The following GRID1 variants were observed in gnomAD, a reference collection of about 807,000 sequenced individuals.
GRID1 encodes the protein glutamate receptor ionotropic, delta-1.
GRID1 carries 28 observed loss-of-function variants against 98.0 expected under a neutral mutation model. The ratio of observed to expected loss-of-function variants is 0.29; its 90% CI spans 0.21 to 0.39. The LOEUF (loss-of-function observed/expected upper bound fraction) is 0.39, where lower values mean the gene tolerates loss of function less well. Ranked by LOEUF, GRID1 falls within the 10% of genes least tolerant of loss-of-function variation. The pLI is 1.00. For synonymous variants in GRID1, 553 were observed against 538.5 expected (o/e 1.03, Z -0.37); for missense variants, 1,111 against 1,340.5 (o/e 0.83, Z 2.67).
At chr10:85,958,844 C>A (rs1280275299) in intron 4 of GRID1, among the ~76,000 whole-genome samples, 1 of 151,840 alleles carries the variant, frequency 6.6e-6, no homozygotes, top group African/African-American at 2.4e-5. Flanking sequence ...GTAATCCCAG[C>A]TACTCAGGAG....
intron 2 of GRID1, among the ~76,000 whole-genome samples, chr10:86,272,908 TTTTG>T (rs981314620): frequency 5.3e-5 from 8 of 152,128 alleles, no homozygotes; most frequent in African/African-American, 1.9e-4. Context: ...GTTTGTTTGT[TTTTG>T]TTTTTTATTA....
intron 4 of GRID1, among the ~76,000 whole-genome samples, chr10:85,970,024 TA>T (rs1237382212): frequency 6.6e-6 from 1 of 151,496 alleles, no homozygotes; most frequent in Non-Finnish European, 1.5e-5. Context: ...CTACTGACCT[TA>T]AAAAAATAAA....
At chr10:86,333,239 T>C (rs1366339824) in intron 2 of GRID1, among the ~76,000 whole-genome samples, 2 of 152,224 alleles carry the variant, frequency 1.3e-5, no homozygotes, top group Non-Finnish European at 2.9e-5. Flanking sequence ...TTAGGCAACC[T>C]GGTCAACTCC....
chr10:86,077,549 G>A (rs558972995), intron 4 of GRID1, among the ~76,000 whole-genome samples: 10 of 152,304 alleles, frequency 6.6e-5, no homozygotes, highest in South Asian at 2.1e-4. Context: ...CCCTGCAGAC[G>A]CAATCATGCT....
At chr10:85,703,159 A>G (rs1241853988) in intron 12 of GRID1, among the ~76,000 whole-genome samples, 1 of 152,124 alleles carries the variant, frequency 6.6e-6, no homozygotes, top group African/African-American at 2.4e-5. Flanking sequence ...CTGTGACACA[A>G]GAATATTATA....
intron 5 of GRID1, among the ~76,000 whole-genome samples, chr10:85,872,722 A>G (rs1054118874): frequency 1.3e-5 from 2 of 152,152 alleles, no homozygotes; most frequent in Non-Finnish European, 2.9e-5. Context: ...GAATTCTTGA[A>G]GGCTCCCTTT....
At chr10:86,150,406 A>C (rs1845148495) in intron 3 of GRID1, among the ~76,000 whole-genome samples, 1 of 152,236 alleles carries the variant, frequency 6.6e-6, no homozygotes, top group South Asian at 2.1e-4. Context: ...ACACAGAGGA[A>C]TGACCCACAT....
chr10:85,878,694 A>G (rs1840945898), intron 5 of GRID1, among the ~76,000 whole-genome samples: 2 of 152,352 alleles, frequency 1.3e-5, no homozygotes, highest in South Asian at 4.1e-4. Context: ...CATCAAGGCT[A>G]GGAATAAACT....
chr10:85,798,111 C>T (rs1842542529), intron 8 of GRID1, among the ~76,000 whole-genome samples: 1 of 152,216 alleles, frequency 6.6e-6, no homozygotes, highest in African/African-American at 2.4e-5. Flanking sequence ...ATCTATTTTC[C>T]TTTGCGTATA....
At chr10:86,241,222 T>G (rs1042759189) in intron 2 of GRID1, among the ~76,000 whole-genome samples, 1 of 152,228 alleles carries the variant, frequency 6.6e-6, no homozygotes, top group African/African-American at 2.4e-5. Flanking sequence ...CAGTCCACCA[T>G]GCCCTGGCCC....
intron 4 of GRID1, among the ~76,000 whole-genome samples, chr10:85,919,393 T>A (rs1841668371): frequency 6.6e-6 from 1 of 152,206 alleles, no homozygotes; most frequent in Admixed American, 6.5e-5. Context: ...CACATGGAGA[T>A]AAATAGTGCT....
intron 4 of GRID1, among the ~76,000 whole-genome samples, chr10:86,054,316 A>G (rs1018942385): frequency 6.6e-6 from 1 of 152,158 alleles, no homozygotes; most frequent in Non-Finnish European, 1.5e-5. Context: ...CATCAGAGAC[A>G]AGAGAAATTC....
intron 4 of GRID1, among the ~76,000 whole-genome samples, chr10:86,009,532 C>T (rs1842901951): frequency 6.6e-6 from 1 of 152,152 alleles, no homozygotes; most frequent in South Asian, 2.1e-4. Context: ...CCAGGCCACG[C>T]TGTTGAAGAT....
chr10:85,662,187 T>G (rs574641506), intron 12 of GRID1, among the ~76,000 whole-genome samples: 2 of 152,322 alleles, frequency 1.3e-5, no homozygotes, highest in East Asian at 3.9e-4. Context: ...GAATGATGTA[T>G]AAGACACACA....
At chr10:86,043,434 G>A (rs1843375555) in intron 4 of GRID1, among the ~76,000 whole-genome samples, 1 of 152,220 alleles carries the variant, frequency 6.6e-6, no homozygotes, top group Non-Finnish European at 1.5e-5. Context: ...GGAGCCCAAG[G>A]CAGTCCTCCC....
chr10:85,792,241 C>T (rs1018873840), intron 8 of GRID1, among the ~76,000 whole-genome samples: 8 of 152,164 alleles, frequency 5.3e-5, no homozygotes, highest in South Asian at 2.1e-4. Context: ...AAGCTCCTGA[C>T]GGTGGCAGCA....
chr10:86,260,988 C>A (rs778026284), intron 2 of GRID1, among the ~76,000 whole-genome samples: 5 of 152,232 alleles, frequency 3.3e-5, no homozygotes, highest in Non-Finnish European at 7.3e-5. Flanking sequence ...CCTAAACACA[C>A]GTTCCTCAAA....
intron 8 of GRID1, among the ~76,000 whole-genome samples, chr10:85,839,201 C>T (rs997257292): frequency 7.2e-5 from 11 of 152,108 alleles, no homozygotes; most frequent in Admixed American, 2.0e-4. Context: ...TAGTGGGAGA[C>T]TTTAACACCC....
intron 2 of GRID1, among the ~76,000 whole-genome samples, chr10:86,236,115 T>C (rs1456435086): frequency 6.6e-6 from 1 of 152,242 alleles, no homozygotes; most frequent in Admixed American, 6.5e-5. Context: ...CTGATTATGT[T>C]TTGATTTGCA....
Sources: gnomAD v4.1 joint callset for allele counts (sites outside exome capture counted in the v4.1 genomes callset) on GRCh38, gnomAD v4.1.1 for gene constraint, MANE v1.5 for transcripts, NCBI Gene and HGNC (gene_info 2026-07-23, HGNC 2026-07-21) for gene names.